Variants in ZNF883 observed in about 807,000 individuals in gnomAD.
ZNF883 encodes zinc finger protein 883.
downstream of ZNF883, among the ~76,000 whole-genome samples, chr9:112,994,429 ATTC>A (rs1306062988): frequency 6.7e-6 from 1 of 150,148 alleles, no homozygotes; most frequent in Non-Finnish European, 1.5e-5. Flanking sequence ...CACTGTTTTC[ATTC>A]TTCTCAGTGG....
chr9:112,995,888 C>T (rs892856616), downstream of ZNF883, among the ~76,000 whole-genome samples: 1 of 151,928 alleles, frequency 6.6e-6, no homozygotes, highest in African/African-American at 2.4e-5. Context: ...TGTCCTTTTC[C>T]CATCATTCCT....
chr9:112,995,925 T>C (rs1828349405), downstream of ZNF883, among the ~76,000 whole-genome samples: 1 of 152,312 alleles, frequency 6.6e-6, no homozygotes, highest in South Asian at 2.1e-4. Context: ...TCTATTGCCT[T>C]ATGAAATCTA....
At chr9:113,007,833 C>T (rs964674653) in intron 2 of ZNF883, among the ~76,000 whole-genome samples, 1 of 152,230 alleles carries the variant, frequency 6.6e-6, no homozygotes, top group Non-Finnish European at 1.5e-5. Context: ...CAATTAGCCA[C>T]TGGCAGAGCT....
chr9:112,996,393 AGT>A (rs1828354221), downstream of ZNF883, among the ~76,000 whole-genome samples: 2 of 152,228 alleles, frequency 1.3e-5, no homozygotes. Flanking sequence ...CCTCTATAAA[AGT>A]GTTTCTTGAA....
chr9:113,007,861 C>T (rs1391645116), intron 2 of ZNF883, among the ~76,000 whole-genome samples: 1 of 152,120 alleles, frequency 6.6e-6, no homozygotes, highest in Non-Finnish European at 1.5e-5. Context: ...TAGCCTCTCC[C>T]CTATTCTCGA....
chr9:113,000,636 A>G (rs1828413443), upstream of ZNF883, among the ~76,000 whole-genome samples: 1 of 152,156 alleles, frequency 6.6e-6, no homozygotes, highest in African/African-American at 2.4e-5. Context: ...ATTCATAAAG[A>G]TACAATGTTT....
chr9:112,995,511 T>C (rs1038443618), downstream of ZNF883, among the ~76,000 whole-genome samples: 1 of 151,842 alleles, frequency 6.6e-6, no homozygotes, highest in African/African-American at 2.4e-5. Flanking sequence ...CCTCCCTTCC[T>C]TCCTCTCTCT....
chr9:112,998,281 CATTT>C (rs779694486), upstream of ZNF883: 4 of 1,459,844 alleles, frequency 2.7e-6, no homozygotes, highest in South Asian at 1.6e-5. Context: ...TATGGCTTTA[CATTT>C]ATTTATTTTT....
Position 112,997,696 on chromosome 9 carries a change from T to C in ZNF883, n.564A>G, listed in dbSNP as rs1354522136. 5.6e-6 allele frequency: 9 copies of C among 1,613,404 alleles called. No homozygotes were observed. In the East Asian group the frequency reaches 1.8e-4, roughly 32 times the overall value. The stretch of plus-strand genomic sequence containing the variant: ...TTAGTGATGTACTGTGGCAAAAAAC[T>C]TTCCGACATTGCTTACACTGGTAGG... On this transcript the variant is annotated non_coding_transcript_exon_variant, in exon 1 of 1. Transcript: ENST00000639662.
intron 2 of ZNF883, among the ~76,000 whole-genome samples, chr9:113,006,527 A>AG (rs1194079529): frequency 6.6e-5 from 10 of 152,314 alleles, no homozygotes; most frequent in African/African-American, 2.2e-4. Context: ...CACAAAGCCA[A>AG]GACCCCACTT....
At chr9:113,005,814 C>T (rs188624964) in intron 2 of ZNF883, among the ~76,000 whole-genome samples, 1 of 152,294 alleles carries the variant, frequency 6.6e-6, no homozygotes, top group African/African-American at 2.4e-5. Flanking sequence ...TCTCTCCTGA[C>T]AGTTACTCTT....
chr9:112,996,051 T>G (rs961296966), downstream of ZNF883, among the ~76,000 whole-genome samples: 3 of 152,180 alleles, frequency 2.0e-5, no homozygotes, highest in African/African-American at 7.2e-5. Context: ...TTGTTCTAGT[T>G]TTATTGTCTT....
chr9:112,994,387 T>C (rs1239592476), downstream of ZNF883, among the ~76,000 whole-genome samples: 4 of 152,082 alleles, frequency 2.6e-5, no homozygotes, highest in Non-Finnish European at 5.9e-5. Flanking sequence ...TAGGAGAACC[T>C]GGATACCTCA....
chr9:113,008,662 A>AAT (rs569699725), intron 2 of ZNF883, among the ~76,000 whole-genome samples: 2 of 152,178 alleles, frequency 1.3e-5, no homozygotes, highest in East Asian at 3.9e-4. Flanking sequence ...AAATAAGCAA[A>AAT]ATATATATAA....
At chr9:113,010,453 T>C (rs1828521855) in intron 2 of ZNF883, among the ~76,000 whole-genome samples, 1 of 152,230 alleles carries the variant, frequency 6.6e-6, no homozygotes, top group South Asian at 2.1e-4. Flanking sequence ...CATTTACACA[T>C]GTATATTATT....
downstream of ZNF883, among the ~76,000 whole-genome samples, chr9:112,994,193 C>T (rs1564331236): frequency 6.6e-6 from 1 of 152,216 alleles, no homozygotes; most frequent in African/African-American, 2.4e-5. Context: ...GTGTGGTTTC[C>T]TGGGCAGGGT....
chr9:112,998,436 C>T (rs1222012822), upstream of ZNF883: 6 of 470,202 alleles, frequency 1.3e-5, no homozygotes, highest in Non-Finnish European at 2.1e-5. Flanking sequence ...TCCACTACAG[C>T]AGAATTATGC....
chr9:113,002,558 C>T (rs985480081), upstream of ZNF883, among the ~76,000 whole-genome samples: 1 of 152,134 alleles, frequency 6.6e-6, no homozygotes, highest in African/African-American at 2.4e-5. Flanking sequence ...TGTGGGAACT[C>T]TCTGTAATAT....
chr9:112,988,569 G>C (rs369555471), intron 1 of ZNF883, among the ~76,000 whole-genome samples: 49 of 152,150 alleles, frequency 3.2e-4, no homozygotes, highest in African/African-American at 1.2e-3. Context: ...TTGGCATTTG[G>C]GTTGATTCCA....
Sources: allele counts gnomAD v4.1 joint callset (sites outside exome capture counted in the v4.1 genomes callset), GRCh38; gene constraint gnomAD v4.1.1; transcripts MANE v1.5; gene names NCBI Gene and HGNC (gene_info 2026-07-23, HGNC 2026-07-21).